UBOX5: variants seen among roughly 807,000 people sequenced by gnomAD.
The protein encoded by UBOX5 is RING finger protein 37.
Under a neutral mutation model 39.0 loss-of-function variants are expected in UBOX5, and 28 were observed. The observed-to-expected ratio is 0.72, with a 90% confidence interval of 0.53 to 0.98. The LOEUF (loss-of-function observed/expected upper bound fraction) is 0.98. Ranked by LOEUF, UBOX5 falls within the 50% of genes least tolerant of loss-of-function variation. The pLI, the probability that UBOX5 is intolerant of heterozygous loss-of-function variation, is 0.00. For missense variants in UBOX5, 585 were observed against 674.4 expected, an observed-to-expected ratio of 0.87 and a Z score of 1.47; for synonymous variants, 283 against 275.5, an observed-to-expected ratio of 1.03 and a Z score of -0.27.
chr20:3,120,852 C>G (rs558897698), intron 3 of UBOX5, among the ~76,000 whole-genome samples: 2 of 152,260 alleles, frequency 1.3e-5, no homozygotes, highest in Non-Finnish European at 1.5e-5. Context: ...TTTTCTGTGT[C>G]CTCATGCCAC....
rs563164247 is a variant in UBOX5 at position 3,140,378 on chromosome 20, C to T, written c.-41-16972G>A. 4.6e-5 allele frequency among the ~76,000 whole-genome samples: 7 copies of T among 152,150 alleles called. No individual in the cohort carries two copies. In the South Asian group the frequency reaches 8.3e-4, roughly 18 times the overall value. On this transcript the variant is annotated intron_variant, in intron 1 of 4. Transcript: ENST00000217173. Reference sequence around the variant, plus strand: ...GGCTCAAAACAAGGCACAGATAAGCCGTCTTTCTCCTGAGAGACTCAGTCT... The same window carrying T: ...GGCTCAAAACAAGGCACAGATAAGCTGTCTTTCTCCTGAGAGACTCAGTCT...
intron 3 of UBOX5, among the ~76,000 whole-genome samples, chr20:3,115,753 C>CTTTTTTTT (rs11481933): frequency 1.5e-4 from 13 of 87,936 alleles, no homozygotes; most frequent in Non-Finnish European, 2.5e-4. Flanking sequence ...CTGCACGCTC[C>CTTTTTTTT]TTTTTTTTTT....
intron 1 of UBOX5, among the ~76,000 whole-genome samples, chr20:3,145,814 G>C (rs1459400074): frequency 6.6e-6 from 1 of 152,172 alleles, no homozygotes; most frequent in Non-Finnish European, 1.5e-5. Context: ...GGGAGGCCAA[G>C]GTGAGTGGAT....
intron 1 of UBOX5, among the ~76,000 whole-genome samples, chr20:3,130,009 T>A (rs1386860728): frequency 6.6e-6 from 1 of 152,166 alleles, no homozygotes; most frequent in Admixed American, 6.6e-5. Context: ...GCAGGAGGAT[T>A]GCTTGAGGCC....
chr20:3,150,016 C>T (rs113262992), intron 1 of UBOX5, among the ~76,000 whole-genome samples: 11,021 of 144,766 alleles, frequency 0.076, 513 homozygotes, highest in Middle Eastern at 0.14. Context: ...GAGACTCCAT[C>T]TCAAAAAAAA....
intron 1 of UBOX5, among the ~76,000 whole-genome samples, chr20:3,124,482 C>T (rs2066362617): frequency 2.0e-5 from 3 of 152,210 alleles, no homozygotes; most frequent in Non-Finnish European, 4.4e-5. Context: ...ACAACCTCCA[C>T]CTCCCAGCCG....
At chr20:3,142,578 T>C (rs1240980605) in intron 1 of UBOX5, among the ~76,000 whole-genome samples, 2 of 132,290 alleles carry the variant, frequency 1.5e-5, no homozygotes, top group Non-Finnish European at 3.1e-5. Context: ...CACTCCAGCC[T>C]GGGTGACAGA....
intron 1 of UBOX5, among the ~76,000 whole-genome samples, chr20:3,142,264 C>A (rs1336983837): frequency 2.0e-5 from 3 of 151,750 alleles, no homozygotes; most frequent in African/African-American, 7.3e-5. Flanking sequence ...GAGTTCGAGA[C>A]CAGCCTGGGC....
At position 3,147,244 on chromosome 20, in the gene UBOX5, C is replaced by T. The variant is rs564564621; in HGVS notation, c.-42+12522G>A. 36 of 1,614,168 alleles carry T rather than the reference C, an allele frequency of 2.2e-5. No homozygotes were observed. The Admixed American group carries it at 3.5e-4, about 16-fold the overall frequency. Reference sequence around the variant, plus strand: ...GCCTTAATTTGGCTACATTTTCAGCCGGCGTGGCTTCTCTATTAAATGGTA... The same window carrying T: ...GCCTTAATTTGGCTACATTTTCAGCTGGCGTGGCTTCTCTATTAAATGGTA... On this transcript the variant is annotated intron_variant, in intron 1 of 4. Coordinates refer to ENST00000217173, the MANE Select transcript of UBOX5 (RefSeq NM_014948.4).
At position 3,110,203 on chromosome 20, in the gene UBOX5, C is replaced by T. The variant is rs368557466; in HGVS notation, c.1529G>A (p.Arg510Gln). ...YQLPCGHLLC[R>Q]PCLGEKQRSL... The stretch of plus-strand genomic sequence containing the variant: ...GCGTTGCTTCTCACCCAGGCAGGGT[C>T]GGCACAGGAGGTGGCCGCAGGGCAG... The change falls in exon 5 of 5, where the codon CGA (arginine) becomes CAA (glutamine). Residue 510 changes from arginine to glutamine, a missense_variant. Physicochemically the swap from Arg to Gln is conservative, Grantham distance 43. Coordinates refer to ENST00000217173, the MANE Select transcript of UBOX5 (RefSeq NM_014948.4). 21 of 1,613,780 alleles carry T rather than the reference C, an allele frequency of 1.3e-5. No individual in the cohort carries two copies. The highest frequency in any genetic ancestry group is 5.3e-5 in the African/African-American group (4 of 74,930).
rs759465086 is a variant in UBOX5 at position 3,149,087 on chromosome 20, A to G, written c.-42+10679T>C. ...AGCTGCCATTCTGGTGTCAGTATTG[A>G]TCTCTTTGGCAGTCAGAATACAGTC... On this transcript the variant is annotated intron_variant, in intron 1 of 4. Coordinates refer to ENST00000217173, the MANE Select transcript of UBOX5 (RefSeq NM_014948.4). This position sits in a 1 kb window ranked among gnomAD's most constrained non-coding sequence, Gnocchi z 4.1. 7 of 1,594,946 alleles carry G rather than the reference A, an allele frequency of 4.4e-6. No individual in the cohort carries two copies. Among genetic ancestry groups the G allele is most frequent in the African/African-American group, 1.3e-5 (1 of 74,376 alleles).
rs1001745869 is a variant in UBOX5 at position 3,147,384 on chromosome 20, C to G, written c.-42+12382G>C. On this transcript the variant is annotated intron_variant, in intron 1 of 4. Transcript: ENST00000217173. ...CCCAGCATGGTCTCCAGTAAAAAGA[C>G]AGTTTCTAAGAATTCAGGCTTTGAA... 5.0e-6 allele frequency: 8 copies of G among 1,614,224 alleles called. No individual in the cohort carries two copies. The highest frequency in any genetic ancestry group is 6.8e-6 in the Non-Finnish European group (8 of 1,180,052).
intron 4 of UBOX5, chr20:3,111,864 C>G (rs1363075592): frequency 6.6e-6 from 1 of 151,968 alleles, no homozygotes; most frequent in Non-Finnish European, 1.5e-5. Context: ...GCAAGTGCTC[C>G]ATCCACATGT....
intron 3 of UBOX5, among the ~76,000 whole-genome samples, chr20:3,119,462 G>T (rs1000005551): frequency 6.6e-6 from 1 of 152,236 alleles, no homozygotes; most frequent in Non-Finnish European, 1.5e-5. Context: ...ATCCACAGAA[G>T]TTATGAGACA....
chr20:3,128,698 C>CA (rs2066408045), intron 1 of UBOX5, among the ~76,000 whole-genome samples: 1 of 151,916 alleles, frequency 6.6e-6, no homozygotes, highest in Non-Finnish European at 1.5e-5. Context: ...CCCGTCTCTA[C>CA]AAAAAAATAA....
intron 1 of UBOX5, among the ~76,000 whole-genome samples, chr20:3,156,321 T>C (rs1279422724): frequency 6.6e-6 from 1 of 151,864 alleles, no homozygotes; most frequent in Non-Finnish European, 1.5e-5. Flanking sequence ...GACTAAAGGC[T>C]CACGCCAACA....
At chr20:3,132,502 TTAA>T (rs1013239252) in intron 1 of UBOX5, among the ~76,000 whole-genome samples, 1 of 151,858 alleles carries the variant, frequency 6.6e-6, no homozygotes, top group African/African-American at 2.4e-5. Flanking sequence ...ATAAGGTGTA[TTAA>T]TAATAATAAT....
chr20:3,131,597 T>C (rs956762071), intron 1 of UBOX5, among the ~76,000 whole-genome samples: 3 of 152,224 alleles, frequency 2.0e-5, no homozygotes, highest in Non-Finnish European at 4.4e-5. Context: ...CACTGGAGTA[T>C]AGAGATAAAA....
intron 1 of UBOX5, among the ~76,000 whole-genome samples, chr20:3,132,631 T>C (rs750292779): frequency 1.3e-5 from 2 of 151,618 alleles, no homozygotes. Flanking sequence ...CCAGTCTGGC[T>C]AACATGGCGA....
Sources: allele counts gnomAD v4.1 joint callset (sites outside exome capture counted in the v4.1 genomes callset), GRCh38; gene constraint gnomAD v4.1.1; non-coding constraint Gnocchi (gnomAD v3.1); transcripts MANE v1.5; gene names NCBI Gene and HGNC (gene_info 2026-07-23, HGNC 2026-07-21).